DRC8: variants seen among roughly 807,000 people sequenced by gnomAD.
The protein encoded by DRC8 is dynein regulatory complex subunit 8, also known as dynein regulatory complex protein 8.
At chr1:245,101,838 A>G in the DRC8 span, among the ~76,000 whole-genome samples, 1 of 152,146 alleles carries the variant, frequency 6.6e-6, no homozygotes, top group African/African-American at 2.4e-5. Context: ...ATTGATGTTC[A>G]CAGTATCCCA....
the DRC8 span, among the ~76,000 whole-genome samples, chr1:245,015,327 A>C: frequency 6.6e-6 from 1 of 152,100 alleles, no homozygotes. Flanking sequence ...ACTCAGCCAA[A>C]CACCTTGGAG....
the DRC8 span, among the ~76,000 whole-genome samples, chr1:245,112,919 A>G: frequency 6.6e-6 from 1 of 152,022 alleles, no homozygotes; most frequent in Non-Finnish European, 1.5e-5. Context: ...ACGCCCAGCT[A>G]ATTTTTTAAT....
chr1:244,981,315 C>A, the DRC8 span, among the ~76,000 whole-genome samples: 1 of 151,842 alleles, frequency 6.6e-6, no homozygotes, highest in South Asian at 2.1e-4. Flanking sequence ...AGCACAATTG[C>A]AAAATCATGG....
chr1:245,041,859 C>G, the DRC8 span, among the ~76,000 whole-genome samples: 224 of 152,124 alleles, frequency 1.5e-3, no homozygotes, highest in African/African-American at 5.3e-3. Context: ...GAAAAAGTGG[C>G]GCCTACAAAT....
chr1:245,019,497 C>T, the DRC8 span, among the ~76,000 whole-genome samples: 191 of 152,208 alleles, frequency 1.3e-3, 1 homozygote, highest in African/African-American at 4.3e-3. Context: ...AGTGATCCTC[C>T]TGCCTCAGCC....
chr1:244,975,613 C>T, the DRC8 span, among the ~76,000 whole-genome samples: 6 of 152,214 alleles, frequency 3.9e-5, no homozygotes, highest in Non-Finnish European at 7.3e-5. Flanking sequence ...AATCCTAGCA[C>T]TTTGAGAGGC....
the DRC8 span, chr1:244,970,518 T>A: frequency 4.0e-6 from 6 of 1,498,250 alleles, no homozygotes; most frequent in African/African-American, 4.4e-5. Context: ...AAGCGCCGGG[T>A]GGGGTGGGCC....
At chr1:245,094,787 G>T in the DRC8 span, among the ~76,000 whole-genome samples, 1 of 152,128 alleles carries the variant, frequency 6.6e-6, no homozygotes, top group Non-Finnish European at 1.5e-5. Flanking sequence ...GCAATAAAGA[G>T]AAATTGGAAA....
At chr1:245,016,645 C>A in the DRC8 span, among the ~76,000 whole-genome samples, 1 of 152,128 alleles carries the variant, frequency 6.6e-6, no homozygotes, top group Non-Finnish European at 1.5e-5. Context: ...TTGTTCCTTG[C>A]CATAACCTTA....
chr1:245,052,577 G>C, the DRC8 span, among the ~76,000 whole-genome samples: 2 of 152,240 alleles, frequency 1.3e-5, no homozygotes. Flanking sequence ...TGCATGCCAT[G>C]CCTTGTGTTG....
chr1:245,039,177 TG>T, the DRC8 span, among the ~76,000 whole-genome samples: 1 of 150,366 alleles, frequency 6.7e-6, no homozygotes, highest in African/African-American at 2.5e-5. Context: ...AAATGTGATA[TG>T]TTTACACAGT....
At chr1:245,059,481 A>G in the DRC8 span, 1 of 1,600,594 alleles carries the variant, frequency 6.2e-7, no homozygotes, top group East Asian at 2.2e-5. Flanking sequence ...AAAAGGTTTC[A>G]TTCAGCCAGC....
chr1:245,100,230 C>A, the DRC8 span, among the ~76,000 whole-genome samples: 21 of 151,988 alleles, frequency 1.4e-4, no homozygotes, highest in East Asian at 2.3e-3. Flanking sequence ...ACTAAAAATA[C>A]AAAAATTAGC....
the DRC8 span, among the ~76,000 whole-genome samples, chr1:245,084,063 C>T: frequency 7.6e-5 from 2 of 26,220 alleles, no homozygotes; most frequent in Non-Finnish European, 2.0e-4. Context: ...AAAAATTCCG[C>T]CCCCCCCCCG....
the DRC8 span, among the ~76,000 whole-genome samples, chr1:244,990,831 T>A: frequency 4.6e-5 from 7 of 151,314 alleles, 1 homozygote; most frequent in African/African-American, 7.3e-5. Context: ...TTTTTGTACT[T>A]CTACTACTAC....
At chr1:244,990,504 A>G in the DRC8 span, among the ~76,000 whole-genome samples, 1 of 152,188 alleles carries the variant, frequency 6.6e-6, no homozygotes, top group African/African-American at 2.4e-5. Flanking sequence ...CAGTATGGAC[A>G]CATTGGATGT....
At chr1:244,982,930 TGTG>T in the DRC8 span, among the ~76,000 whole-genome samples, 3 of 151,472 alleles carry the variant, frequency 2.0e-5, no homozygotes, top group African/African-American at 7.3e-5. Context: ...ATTAGCCAGG[TGTG>T]GTGGTGGGTG....
At chr1:245,013,860 G>A in the DRC8 span, among the ~76,000 whole-genome samples, 5 of 151,682 alleles carry the variant, frequency 3.3e-5, no homozygotes, top group South Asian at 8.4e-4. Flanking sequence ...GTGAAACCCC[G>A]TCTCTACTAA....
chr1:244,984,153 A>C, the DRC8 span, among the ~76,000 whole-genome samples: 1 of 151,912 alleles, frequency 6.6e-6, no homozygotes, highest in Non-Finnish European at 1.5e-5. Flanking sequence ...ATTTTGTTGA[A>C]TCCCATCTCT....
Sources: gnomAD v4.1 joint callset for allele counts (sites outside exome capture counted in the v4.1 genomes callset) on GRCh38, gnomAD v4.1.1 for gene constraint, MANE v1.5 for transcripts, NCBI Gene and HGNC (gene_info 2026-07-23, HGNC 2026-07-21) for gene names.